Variants in PLA2G12B observed in about 807,000 individuals in gnomAD.
PLA2G12B encodes the protein group XIIB secretory phospholipase A2-like protein.
In PLA2G12B, 19 loss-of-function variants were observed where a neutral mutation model predicts 22.3. The ratio of observed to expected loss-of-function variants is 0.85; its 90% CI spans 0.60 to 1.25. The LOEUF (loss-of-function observed/expected upper bound fraction) is 1.25, where lower values mean the gene tolerates loss of function less well. Among genes scored for constraint, PLA2G12B ranks in the 50% most tolerant of loss-of-function variants. PLA2G12B has a pLI of 0.00. For missense variants in PLA2G12B, 191 were observed against 246.6 expected (o/e 0.77, Z 1.51); for synonymous variants, 81 against 94.9 (o/e 0.85, Z 0.85).
rs767299169 is a variant in PLA2G12B at position 72,935,772 on chromosome 10, C to A, written c.467-34G>T. The A allele has an allele frequency of 1.1e-5, 18 of 1,605,794 alleles. No homozygotes were observed. The African/African-American group carries it at 2.1e-4, about 19-fold the overall frequency. ...AGATGAAGAGGGACAGAAAGGTTAA[C>A]CCTGAGTAATTTTGAAGAGTATTTC... On this transcript the variant is annotated intron_variant, in intron 3 of 3. Coordinates refer to ENST00000373032, the MANE Select transcript of PLA2G12B (RefSeq NM_032562.5).
intron 1 of PLA2G12B, among the ~76,000 whole-genome samples, chr10:72,948,409 A>T (rs1589545160): frequency 6.6e-6 from 1 of 152,358 alleles, no homozygotes; most frequent in South Asian, 2.1e-4. Context: ...CTATTTAGAA[A>T]CGAAGCTGAA....
chr10:72,952,487 G>T (rs1358525862), intron 1 of PLA2G12B, among the ~76,000 whole-genome samples: 1 of 152,214 alleles, frequency 6.6e-6, no homozygotes, highest in African/African-American at 2.4e-5. Flanking sequence ...CCCTCCAGGG[G>T]CTTCAATTCA....
At chr10:72,944,804 G>A (rs142027177) in intron 1 of PLA2G12B, among the ~76,000 whole-genome samples, 2 of 152,214 alleles carry the variant, frequency 1.3e-5, no homozygotes, top group East Asian at 1.9e-4. Context: ...GCCCTGGAGT[G>A]TAGCCCTGGC....
chr10:72,953,161 A>G lies in PLA2G12B; in HGVS notation c.211+1314T>C, dbSNP rs552340351. 9.2e-5 allele frequency among the ~76,000 whole-genome samples: 14 copies of G among 152,342 alleles called. 1 individual carries two copies. Among genetic ancestry groups the G allele is most frequent in the African/African-American group, 3.4e-4 (14 of 41,586 alleles). On this transcript the variant is annotated intron_variant, in intron 1 of 3. Transcript: ENST00000373032. ...AGGGCCAGGTGGGTCCTAACAGACC[A>G]GGCATTTTTCTCTGTGAAACTTTCA...
rs760735646 is a variant in PLA2G12B, at chr10:72,954,530, A to G, written c.156T>C (p.Ser52=). Residue 52 remains serine (S), a synonymous_variant, in exon 1 of 4, where the codon TCT becomes TCC. Coordinates refer to ENST00000373032, the MANE Select transcript of PLA2G12B (RefSeq NM_032562.5). ...SFESVNSYFD[S]FLELLGGKNG... ...TCTTCCCTCCCAGCAGCTCCAGAAA[A>G]GAATCGAAGTAGCTATTGACGGATT... 2.5e-6 allele frequency: 4 copies of G among 1,614,102 alleles called. No individual in the cohort carries two copies. Among genetic ancestry groups the G allele is most frequent in the Non-Finnish European group, 3.4e-6 (4 of 1,180,050 alleles).
chr10:72,940,382 G>T (rs966624729), intron 3 of PLA2G12B, among the ~76,000 whole-genome samples: 1 of 152,038 alleles, frequency 6.6e-6, no homozygotes, highest in African/African-American at 2.4e-5. Flanking sequence ...TTATAGAGTC[G>T]GTGCTAGAAT....
intron 3 of PLA2G12B, among the ~76,000 whole-genome samples, chr10:72,935,949 C>T (rs1347079651): frequency 6.6e-6 from 1 of 152,068 alleles, no homozygotes; most frequent in Non-Finnish European, 1.5e-5. Context: ...GCATGTGGGC[C>T]CTTGGTCAAA....
At chr10:72,944,760 G>A (rs1846414373) in intron 1 of PLA2G12B, among the ~76,000 whole-genome samples, 2 of 152,172 alleles carry the variant, frequency 1.3e-5, no homozygotes, top group Non-Finnish European at 2.9e-5. Context: ...CACTTTCCTG[G>A]AACCCAGGCT....
chr10:72,951,611 C>T (rs1198355472), intron 1 of PLA2G12B, among the ~76,000 whole-genome samples: 1 of 152,080 alleles, frequency 6.6e-6, no homozygotes, highest in Non-Finnish European at 1.5e-5. Context: ...GCACCCGCCA[C>T]TACACCCGGC....
chr10:72,953,798 G>A (rs1030262923), intron 1 of PLA2G12B, among the ~76,000 whole-genome samples: 10 of 152,138 alleles, frequency 6.6e-5, no homozygotes, highest in African/African-American at 1.2e-4. Context: ...TGCATCTGGC[G>A]CCAAGTCCAG....
intron 3 of PLA2G12B, among the ~76,000 whole-genome samples, chr10:72,939,585 C>A (rs545682801): frequency 1.6e-4 from 24 of 151,662 alleles, no homozygotes; most frequent in Admixed American, 1.5e-3. Flanking sequence ...TCTAATATCC[C>A]GTGATAAAAA....
intron 1 of PLA2G12B, among the ~76,000 whole-genome samples, chr10:72,948,655 A>G (rs1373789233): frequency 2.6e-5 from 4 of 152,252 alleles, no homozygotes; most frequent in Non-Finnish European, 4.4e-5. Flanking sequence ...TCATAAAAAA[A>G]GTTTTATTGG....
In PLA2G12B at chr10:72,946,538, C is replaced by T. The variant is rs1846443559; in HGVS notation, c.212-3798G>A. Among the ~76,000 whole-genome samples, 3 of 152,218 alleles carry T rather than the reference C, an allele frequency of 2.0e-5. No individual in the cohort carries two copies. In the South Asian group the frequency reaches 6.2e-4, roughly 32 times the overall value. The stretch of plus-strand genomic sequence containing the variant: ...ATTGCCACACTGTTTTCCAAAGTGG[C>T]TGCACCACATTCCCAGCAGCAATGC... On this transcript the variant is annotated intron_variant, in intron 1 of 3. Coordinates refer to ENST00000373032, the MANE Select transcript of PLA2G12B (RefSeq NM_032562.5).
At position 72,935,263 on chromosome 10, in the gene PLA2G12B, A is replaced by G. The variant is rs1381890687; in HGVS notation, c.*354T>C. On this transcript the variant is annotated 3_prime_UTR_variant, in exon 4 of 4. Transcript: ENST00000373032. ...GGCCAGCAGAAAGTCATTGCCTCCC[A>G]AATGGCTGGACTCCCCACAATTTCA... The G allele has an allele frequency of 8.9e-5, 16 of 179,918 alleles. No homozygotes were observed. The highest frequency in any genetic ancestry group is 3.8e-4 in the African/African-American group (16 of 42,494). 11.1% of individuals were successfully genotyped at this position (179,918 alleles called of 1,614,324 possible). A position where few individuals can be genotyped will look rare whatever the true frequency, so the allele number is the denominator to read the frequency against.
At chr10:72,945,282 A>G (rs2132973891) in intron 1 of PLA2G12B, among the ~76,000 whole-genome samples, 1 of 152,318 alleles carries the variant, frequency 6.6e-6, no homozygotes, top group South Asian at 2.1e-4. Context: ...AGATTAAGCT[A>G]TAAAAGACCA....
At chr10:72,939,574 A>G (rs1846328268) in intron 3 of PLA2G12B, among the ~76,000 whole-genome samples, 2 of 152,082 alleles carry the variant, frequency 1.3e-5, no homozygotes, top group South Asian at 2.1e-4. Context: ...TAAGAAAAAC[A>G]TCTAATATCC....
chr10:72,936,825 GACTA>G (rs951105121), intron 3 of PLA2G12B, among the ~76,000 whole-genome samples: 1 of 152,014 alleles, frequency 6.6e-6, no homozygotes, highest in Non-Finnish European at 1.5e-5. Context: ...CTTTTAGCTA[GACTA>G]ACCAAGAAAA....
intron 3 of PLA2G12B, among the ~76,000 whole-genome samples, chr10:72,940,596 C>T (rs1046414720): frequency 3.3e-5 from 5 of 151,964 alleles, no homozygotes; most frequent in African/African-American, 7.3e-5. Flanking sequence ...CGCTTGAACC[C>T]GGAAAGCAGA....
intron 3 of PLA2G12B, among the ~76,000 whole-genome samples, chr10:72,940,434 G>A (rs1213875053): frequency 1.4e-5 from 2 of 141,180 alleles, no homozygotes; most frequent in Admixed American, 1.3e-4. Flanking sequence ...ATCCTTGCTG[G>A]GCGCGGTGGC....
Sources: gnomAD v4.1 joint callset for allele counts (sites outside exome capture counted in the v4.1 genomes callset) on GRCh38, gnomAD v4.1.1 for gene constraint, MANE v1.5 for transcripts, NCBI Gene and HGNC (gene_info 2026-07-23, HGNC 2026-07-21) for gene names.